Variants in ACER3 observed in about 807,000 individuals in gnomAD.
The protein encoded by ACER3 is alkCDase 3.
In ACER3, 16 loss-of-function variants were observed where a neutral mutation model predicts 48.9. The ratio of observed to expected loss-of-function variants is 0.33; its 90% CI spans 0.22 to 0.50. The LOEUF (loss-of-function observed/expected upper bound fraction) is 0.50. Among genes scored for constraint, ACER3 ranks in the 20% least tolerant of loss-of-function variants. The pLI, the probability that ACER3 is intolerant of heterozygous loss-of-function variation, is 0.98. For missense variants in ACER3, 227 were observed against 326.0 expected (o/e 0.70, Z 2.34); for synonymous variants, 109 against 107.8 (o/e 1.01, Z -0.07).
chr11:76,918,049 C>T (rs1157220977), intron 1 of ACER3, among the ~76,000 whole-genome samples: 1 of 152,078 alleles, frequency 6.6e-6, no homozygotes, highest in Non-Finnish European at 1.5e-5. Flanking sequence ...TTGTTCCTAT[C>T]ACTCTCTTTT....
intron 7 of ACER3, among the ~76,000 whole-genome samples, chr11:77,012,754 G>A (rs1555022471): frequency 6.6e-6 from 1 of 152,082 alleles, no homozygotes; most frequent in Non-Finnish European, 1.5e-5. Context: ...TGATTTGTAG[G>A]TTCTGCAGGC....
intron 1 of ACER3, among the ~76,000 whole-genome samples, chr11:76,882,258 A>AAAAC (rs1945548206): frequency 1.3e-5 from 2 of 151,884 alleles, no homozygotes; most frequent in Non-Finnish European, 2.9e-5. Context: ...GCCCGCGTCA[A>AAAAC]CTGCCAAAGT....
At chr11:76,894,872 A>G (rs989464991) in intron 1 of ACER3, among the ~76,000 whole-genome samples, 1 of 152,216 alleles carries the variant, frequency 6.6e-6, no homozygotes, top group African/African-American at 2.4e-5. Context: ...AAACTCCCTT[A>G]GGATCTTAAT....
intron 1 of ACER3, among the ~76,000 whole-genome samples, chr11:76,877,383 G>A (rs1945407805): frequency 6.6e-6 from 1 of 152,138 alleles, no homozygotes; most frequent in African/African-American, 2.4e-5. Flanking sequence ...TATAAAAGCT[G>A]TGTTTTTATG....
intron 1 of ACER3, chr11:76,868,389 C>CTGTG (rs1235157674): frequency 0.026 from 4,780 of 185,858 alleles, 47 homozygotes; most frequent in South Asian, 0.038. Context: ...CTCTCTCTCT[C>CTGTG]TCTGTGTGTG....
chr11:76,990,386 C>T (rs1015748569), intron 5 of ACER3, among the ~76,000 whole-genome samples, 153 bp from the exon 6 acceptor site: 3 of 152,190 alleles, frequency 2.0e-5, no homozygotes, highest in African/African-American at 4.8e-5. Flanking sequence ...CTGTGGCATG[C>T]CACTTGATCT....
chr11:76,964,285 G>A (rs1490057492), intron 3 of ACER3, among the ~76,000 whole-genome samples: 2 of 151,444 alleles, frequency 1.3e-5, no homozygotes, highest in Admixed American at 6.6e-5. Flanking sequence ...TGCCATTGCC[G>A]AGGCTTGAGT....
At chr11:76,933,941 G>A (rs1472654404) in intron 2 of ACER3, among the ~76,000 whole-genome samples, 3 of 152,008 alleles carry the variant, frequency 2.0e-5, no homozygotes, top group South Asian at 2.1e-4. Context: ...CGGGGCGGCC[G>A]GGCAGAGACG....
At chr11:76,866,484 A>G (rs148105205) in intron 1 of ACER3, among the ~76,000 whole-genome samples, 2 of 152,350 alleles carry the variant, frequency 1.3e-5, no homozygotes, top group Non-Finnish European at 2.9e-5. Flanking sequence ...TTATTTGTAT[A>G]CTGATTTGTG....
chr11:76,959,593 C>T (rs1289145355), intron 3 of ACER3, among the ~76,000 whole-genome samples: 2 of 151,498 alleles, frequency 1.3e-5, no homozygotes, highest in Admixed American at 6.6e-5. Flanking sequence ...GCTCTTATTG[C>T]CCAGGCTGGA....
intron 1 of ACER3, among the ~76,000 whole-genome samples, chr11:76,870,550 G>A (rs907282826): frequency 1.3e-5 from 2 of 152,160 alleles, no homozygotes; most frequent in African/African-American, 4.8e-5. Context: ...CCTAAAGGTG[G>A]AACTGCTGGA....
intron 3 of ACER3, among the ~76,000 whole-genome samples, chr11:76,969,053 G>A (rs1484242013): frequency 1.3e-5 from 2 of 152,070 alleles, no homozygotes; most frequent in Admixed American, 6.6e-5. Context: ...ATCTGACAAA[G>A]GGCTAATATC....
intron 1 of ACER3, among the ~76,000 whole-genome samples, chr11:76,909,894 G>C (rs1590916996): frequency 1.3e-5 from 2 of 152,094 alleles, no homozygotes; most frequent in South Asian, 4.1e-4. Flanking sequence ...TGATAGACTG[G>C]ATAAAGAAAA....
At chr11:76,949,284 A>G (rs1231396917) in intron 2 of ACER3, among the ~76,000 whole-genome samples, 1 of 152,134 alleles carries the variant, frequency 6.6e-6, no homozygotes, top group African/African-American at 2.4e-5. Flanking sequence ...TTTCATTTCT[A>G]TTTTAATTGT....
intron 3 of ACER3, among the ~76,000 whole-genome samples, chr11:76,964,193 C>T (rs185648100): frequency 5.3e-5 from 8 of 151,514 alleles, no homozygotes; most frequent in African/African-American, 1.5e-4. Context: ...GAGGGTCCTA[C>T]GCCCACGGAG....
chr11:76,978,182 TC>T (rs1591023194), intron 4 of ACER3, among the ~76,000 whole-genome samples: 2 of 152,022 alleles, frequency 1.3e-5, no homozygotes, highest in East Asian at 3.9e-4. Context: ...AAAGGGGCAG[TC>T]CCCGGTGAAG....
At chr11:76,861,212 G>A in intron 1 of ACER3, 133 bp downstream of exon 1, 3 of 806,088 alleles carry the variant, frequency 3.7e-6, no homozygotes, top group Non-Finnish European at 5.6e-6. Context: ...GGAATGCGGC[G>A]CCCTGGGCCA....
rs1230161731 is a variant in ACER3, at chr11:77,022,115, C to T, written c.*1788C>T. ...CATTTTTTAATTCATTTGTTTTCCA[C>T]CATTATATTTTTATACTTTTCAGTT... is the stretch of plus-strand genomic sequence containing the variant. On this transcript the variant is annotated 3_prime_UTR_variant, in exon 11 of 11. Coordinates refer to ENST00000532485, the MANE Select transcript of ACER3 (RefSeq NM_018367.7). The T allele has an allele frequency of 5.9e-5, 9 of 152,134 alleles. No homozygotes were observed. The highest frequency in any genetic ancestry group is 2.2e-4 in the African/African-American group (9 of 41,422). The allele number at this position is 152,134 out of a possible 1,614,324, so 9.4% of individuals were successfully genotyped here.
At position 76,875,107 on chromosome 11, in the gene ACER3, C is replaced by CTTTTTTTTTTTTTTTTTTTTTTTTTT. The variant is rs10676364; in HGVS notation, c.103+14029_103+14054dup. Among the ~76,000 whole-genome samples the CTTTTTTTTTTTTTTTTTTTTTTTTTT allele has an allele frequency of 1.4e-4, 11 of 78,164 alleles. 1 individual carries two copies. Among genetic ancestry groups the CTTTTTTTTTTTTTTTTTTTTTTTTTT allele is most frequent in the African/African-American group, 3.9e-4 (11 of 27,878 alleles). 51.3% of individuals were successfully genotyped at this position (78,164 alleles called of 152,430 possible). ...TTCTAACATGGCATGAAAAGCACTT[C>CTTTTTTTTTTTTTTTTTTTTTTTTTT]TTTTTTTTTTTTTTTTTTTTTTTTT... On this transcript the variant is annotated intron_variant, in intron 1 of 10. Transcript: ENST00000532485.
Sources: allele counts gnomAD v4.1 joint callset (sites outside exome capture counted in the v4.1 genomes callset), GRCh38; gene constraint gnomAD v4.1.1; transcripts MANE v1.5; gene names NCBI Gene and HGNC (gene_info 2026-07-23, HGNC 2026-07-21).